SDC2: variants seen among roughly 807,000 people sequenced by gnomAD.
SDC2 encodes syndecan-2.
A neutral mutation model predicts 22.2 loss-of-function variants in SDC2; 13 were observed. The ratio of observed to expected loss-of-function variants is 0.59; its 90% confidence interval spans 0.38 to 0.93. SDC2 has a LOEUF of 0.93. Ranked by LOEUF, SDC2 falls within the 40% of genes least tolerant of loss-of-function variation. The pLI is 0.00. For missense variants in SDC2, 235 were observed against 246.8 expected, an observed-to-expected ratio of 0.95 and a Z score of 0.32; for synonymous variants, 94 against 92.8, an observed-to-expected ratio of 1.01 and a Z score of -0.07.
chr8:96,540,501 C>A (rs1813830450), intron 1 of SDC2, among the ~76,000 whole-genome samples: 1 of 118,022 alleles, frequency 8.5e-6, no homozygotes, highest in Non-Finnish European at 2.0e-5. Flanking sequence ...ACAGTGAGAC[C>A]CCGCCTCCAA....
At chr8:96,510,205 T>G (rs1202580008) in intron 1 of SDC2, among the ~76,000 whole-genome samples, 1 of 152,202 alleles carries the variant, frequency 6.6e-6, no homozygotes, top group African/African-American at 2.4e-5. Context: ...TTCTGGGACT[T>G]GATTGAATAT....
At chr8:96,550,162 G>A (rs570382621) in intron 1 of SDC2, among the ~76,000 whole-genome samples, 2 of 152,248 alleles carry the variant, frequency 1.3e-5, no homozygotes, top group Admixed American at 6.5e-5. Flanking sequence ...AATGAAAACA[G>A]GGTGGTTTTC....
chr8:96,504,839 T>A (rs1344041293), intron 1 of SDC2, among the ~76,000 whole-genome samples: 1 of 152,132 alleles, frequency 6.6e-6, no homozygotes, highest in Non-Finnish European at 1.5e-5. Flanking sequence ...TTATTTCACC[T>A]GAGTGCAGGC....
intron 1 of SDC2, among the ~76,000 whole-genome samples, chr8:96,546,831 A>C (rs929171266): frequency 1.3e-5 from 2 of 152,224 alleles, no homozygotes; most frequent in Non-Finnish European, 2.9e-5. Flanking sequence ...TAGCACTCTA[A>C]CCATGCTTCA....
chr8:96,570,904 C>A (rs1045090948), intron 1 of SDC2, among the ~76,000 whole-genome samples: 1 of 151,832 alleles, frequency 6.6e-6, no homozygotes, highest in South Asian at 2.1e-4. Flanking sequence ...CAGTGGTTAC[C>A]GGGGGAAGGG....
At chr8:96,600,692 G>C (rs1477061502) in intron 2 of SDC2, among the ~76,000 whole-genome samples, 2 of 152,132 alleles carry the variant, frequency 1.3e-5, no homozygotes, top group Non-Finnish European at 2.9e-5. Flanking sequence ...AACAAGGTAA[G>C]GAAGAGGAAG....
chr8:96,507,388 T>G (rs953632160), intron 1 of SDC2, among the ~76,000 whole-genome samples: 1 of 152,262 alleles, frequency 6.6e-6, no homozygotes, highest in Non-Finnish European at 1.5e-5. Context: ...CGTTATACAT[T>G]TAGCATCAGT....
intron 1 of SDC2, among the ~76,000 whole-genome samples, chr8:96,515,461 A>G (rs1813387241): frequency 6.6e-6 from 1 of 152,190 alleles, no homozygotes; most frequent in Non-Finnish European, 1.5e-5. Flanking sequence ...GATATGGGAA[A>G]TAGAAGGATG....
chr8:96,600,412 A>T (rs1814958704), intron 2 of SDC2, among the ~76,000 whole-genome samples: 1 of 152,242 alleles, frequency 6.6e-6, no homozygotes, highest in African/African-American at 2.4e-5. Flanking sequence ...AAATTCTCAA[A>T]TGCTATTCTA....
intron 1 of SDC2, among the ~76,000 whole-genome samples, chr8:96,550,728 A>T (rs1466420403): frequency 6.6e-6 from 1 of 152,176 alleles, no homozygotes; most frequent in African/African-American, 2.4e-5. Context: ...TGTTCTATTT[A>T]AAGTATATTA....
At chr8:96,606,526 G>A (rs1171554459) in intron 3 of SDC2, among the ~76,000 whole-genome samples, 1 of 152,162 alleles carries the variant, frequency 6.6e-6, no homozygotes, top group Non-Finnish European at 1.5e-5. Flanking sequence ...AAAAGTCAGT[G>A]CCAGCTACAT....
At chr8:96,540,814 A>T (rs532787522) in intron 1 of SDC2, among the ~76,000 whole-genome samples, 1 of 152,354 alleles carries the variant, frequency 6.6e-6, no homozygotes, top group African/African-American at 2.4e-5. Context: ...ATATAAGCTG[A>T]TAAGAGCAAG....
chr8:96,602,036 G>A (rs1204431235), intron 2 of SDC2, among the ~76,000 whole-genome samples: 1 of 152,154 alleles, frequency 6.6e-6, no homozygotes, highest in Non-Finnish European at 1.5e-5. Flanking sequence ...GAAATTACAG[G>A]CGTGAGCCCC....
intron 1 of SDC2, among the ~76,000 whole-genome samples, chr8:96,542,012 G>A (rs1008885565): frequency 2.0e-5 from 3 of 152,120 alleles, no homozygotes; most frequent in Non-Finnish European, 4.4e-5. Flanking sequence ...GGAACACAAG[G>A]TCATTGTCAT....
rs1042291033 is a variant in SDC2, at chr8:96,602,127, G to T, written c.173-268G>T. ...GGGAAAAAATCTTGTCAAGCAGGGAGAAAAGGAACATGCAAGTGAAAGAAG... is the reference window on the plus strand; with the variant it reads ...GGGAAAAAATCTTGTCAAGCAGGGATAAAAGGAACATGCAAGTGAAAGAAG... On this transcript the variant is annotated intron_variant, in intron 2 of 4. Coordinates refer to ENST00000302190, the MANE Select transcript of SDC2 (RefSeq NM_002998.4). Among the ~76,000 whole-genome samples, 4 of 151,662 alleles carry T rather than the reference G, an allele frequency of 2.6e-5. No homozygotes were observed. The South Asian group carries it at 8.3e-4, about 32-fold the overall frequency.
chr8:96,561,954 C>T (rs535991740), intron 1 of SDC2, among the ~76,000 whole-genome samples: 4 of 152,302 alleles, frequency 2.6e-5, no homozygotes, highest in Middle Eastern at 3.4e-3. Flanking sequence ...CTTGTCTTCT[C>T]ATCCTCTTGA....
At chr8:96,596,726 A>G (rs1263076264) in intron 2 of SDC2, among the ~76,000 whole-genome samples, 4 of 152,262 alleles carry the variant, frequency 2.6e-5, no homozygotes, top group African/African-American at 7.2e-5. Flanking sequence ...TCAGTGTGCA[A>G]CTAAATTGAC....
chr8:96,585,767 C>T (rs187521865), intron 1 of SDC2, among the ~76,000 whole-genome samples: 3 of 152,074 alleles, frequency 2.0e-5, no homozygotes, highest in East Asian at 3.9e-4. Flanking sequence ...AACGTACATA[C>T]AGCAAGGACC....
At chr8:96,594,802 G>A (rs1814845052) in intron 2 of SDC2, among the ~76,000 whole-genome samples, 1 of 152,144 alleles carries the variant, frequency 6.6e-6, no homozygotes, top group African/African-American at 2.4e-5. Context: ...TGGCAGAAGG[G>A]GAAACAAACA....
Sources: allele counts gnomAD v4.1 joint callset (sites outside exome capture counted in the v4.1 genomes callset), GRCh38; gene constraint gnomAD v4.1.1; transcripts MANE v1.5; gene names NCBI Gene and HGNC (gene_info 2026-07-23, HGNC 2026-07-21).